The following PTPRR variants were observed in gnomAD, a reference collection of about 807,000 sequenced individuals.
PTPRR encodes receptor-type tyrosine-protein phosphatase R.
In PTPRR, 38 loss-of-function variants were observed where a neutral mutation model predicts 77.2. The ratio of observed to expected loss-of-function variants is 0.49; its 90% CI spans 0.38 to 0.65. The LOEUF is 0.65. PTPRR is among the 30% of genes least tolerant of loss of function. The probability of loss-of-function intolerance (pLI) is 0.00; values close to 1 mark genes in which losing one functional copy is unlikely to be tolerated. For missense variants in PTPRR, 744 were observed against 799.2 expected (o/e 0.93, Z 0.83); for synonymous variants, 299 against 283.1 (o/e 1.06, Z -0.57).
In PTPRR at chr12:70,810,086, G is replaced by A. The variant is rs141423214; in HGVS notation, c.358-45308C>T. Among the ~76,000 whole-genome samples the A allele has an allele frequency of 3.6e-4, 55 of 152,058 alleles. No homozygotes were observed. In the East Asian group the frequency reaches 7.7e-3, roughly 21 times the overall value. ...AATACAGTGGGACTTTTCTAGTGACGTCATCATGTTTCACTATTTATCACT... is the reference window on the plus strand; with the variant it reads ...AATACAGTGGGACTTTTCTAGTGACATCATCATGTTTCACTATTTATCACT... On this transcript the variant is annotated intron_variant, in intron 2 of 13. Transcript: ENST00000283228.
At chr12:70,682,607 A>G (rs1235747049) in intron 10 of PTPRR, among the ~76,000 whole-genome samples, 1 of 151,792 alleles carries the variant, frequency 6.6e-6, no homozygotes, top group East Asian at 1.9e-4. Flanking sequence ...GAGGTTTTTC[A>G]GGTTATCTAG....
chr12:70,670,186 G>T (rs1592654883), intron 10 of PTPRR, among the ~76,000 whole-genome samples: 3 of 152,310 alleles, frequency 2.0e-5, no homozygotes, highest in South Asian at 4.1e-4. Flanking sequence ...GTACAGCTGT[G>T]TTAAACTGAG....
chr12:70,700,277 G>A (rs7973191), intron 7 of PTPRR, among the ~76,000 whole-genome samples: 4,442 of 152,216 alleles, frequency 0.029, 97 homozygotes, highest in South Asian at 0.11. Flanking sequence ...AGATGCAAGA[G>A]GTGATCAACA....
At position 70,913,810 on chromosome 12, in the gene PTPRR, T is replaced by A. The variant is rs557309078; in HGVS notation, c.58+6523A>T. ...ATGAAGATGAGATATAATCTCTTGG[T>A]CAATGTAAATTAATTTATCACAATT... On this transcript the variant is annotated intron_variant, in intron 1 of 13. Coordinates refer to ENST00000283228, the MANE Select transcript of PTPRR (RefSeq NM_002849.4). Among the ~76,000 whole-genome samples, 37 of 152,264 alleles carry A rather than the reference T, an allele frequency of 2.4e-4. No individual in the cohort carries two copies. In the South Asian group the frequency reaches 7.7e-3, roughly 32 times the overall value.
intron 2 of PTPRR, among the ~76,000 whole-genome samples, chr12:70,801,395 C>T (rs1891612090): frequency 6.6e-6 from 1 of 152,178 alleles, no homozygotes; most frequent in Non-Finnish European, 1.5e-5. Flanking sequence ...ATAAGATTGC[C>T]TCCCCATTGT....
intron 13 of PTPRR, chr12:70,639,652 C>T (rs929978751): frequency 3.7e-6 from 1 of 271,904 alleles, no homozygotes; most frequent in African/African-American, 2.3e-5. Context: ...CTCGAAACCC[C>T]TTGCACTTTA....
chr12:70,752,847 A>T (rs545380769), intron 5 of PTPRR, among the ~76,000 whole-genome samples: 2 of 152,208 alleles, frequency 1.3e-5, no homozygotes, highest in African/African-American at 2.4e-5. Context: ...GCAATTAACC[A>T]TAACAAGGAA....
At chr12:70,828,641 T>C (rs1892158176) in intron 2 of PTPRR, among the ~76,000 whole-genome samples, 1 of 152,218 alleles carries the variant, frequency 6.6e-6, no homozygotes, top group East Asian at 1.9e-4. Flanking sequence ...TACTTTCTTA[T>C]GCATATTATA....
At chr12:70,916,562 T>C (rs547851969) in intron 1 of PTPRR, among the ~76,000 whole-genome samples, 243 of 152,124 alleles carry the variant, frequency 1.6e-3, no homozygotes, top group Non-Finnish European at 2.8e-3. Context: ...GGCACCATCA[T>C]AGAATACCTT....
intron 6 of PTPRR, among the ~76,000 whole-genome samples, chr12:70,742,693 G>GA (rs1265377537): frequency 1.3e-5 from 2 of 152,012 alleles, no homozygotes; most frequent in Admixed American, 6.6e-5. Context: ...GAGTGGACTG[G>GA]AAAAAAACAG....
chr12:70,820,147 G>A (rs1220171871), intron 2 of PTPRR, among the ~76,000 whole-genome samples: 1 of 152,094 alleles, frequency 6.6e-6, no homozygotes, highest in Non-Finnish European at 1.5e-5. Context: ...TCAACAACAA[G>A]GCTTGGCATT....
rs1887617103 is a variant in PTPRR at position 70,680,563 on chromosome 12, C to A, written c.1497+3564G>T. 2.6e-5 allele frequency among the ~76,000 whole-genome samples: 4 copies of A among 152,256 alleles called. 1 individual carries two copies. The South Asian group carries it at 8.3e-4, about 32-fold the overall frequency. On this transcript the variant is annotated intron_variant, in intron 10 of 13. Transcript: ENST00000283228. ...TAGTTTGCTGGCTCAGGACAGGTCACCCCTGGAAACAGCACACTTGGCTGG... is the reference window on the plus strand; with the variant it reads ...TAGTTTGCTGGCTCAGGACAGGTCAACCCTGGAAACAGCACACTTGGCTGG...
intron 2 of PTPRR, among the ~76,000 whole-genome samples, chr12:70,827,695 G>T (rs1339607815): frequency 1.5e-5 from 2 of 137,708 alleles, no homozygotes; most frequent in Non-Finnish European, 3.0e-5. Flanking sequence ...ATAGGTGCCT[G>T]CCACCACACC....
At chr12:70,834,524 T>C (rs889691261) in intron 2 of PTPRR, among the ~76,000 whole-genome samples, 2 of 152,218 alleles carry the variant, frequency 1.3e-5, no homozygotes, top group Non-Finnish European at 2.9e-5. Flanking sequence ...CTGCTTTCAT[T>C]ATCTCATGTT....
At chr12:70,702,009 A>G (rs1048305684) in intron 6 of PTPRR, among the ~76,000 whole-genome samples, 5 of 152,132 alleles carry the variant, frequency 3.3e-5, no homozygotes, top group African/African-American at 1.2e-4. Context: ...AAAAATAAAA[A>G]AAGATGGCTT....
At chr12:70,811,570 G>C (rs1294966929) in intron 2 of PTPRR, among the ~76,000 whole-genome samples, 1 of 152,208 alleles carries the variant, frequency 6.6e-6, no homozygotes, top group Admixed American at 6.5e-5. Flanking sequence ...CATCAACTCA[G>C]GCAACGCTGG....
chr12:70,751,523 C>T (rs1376343754), intron 5 of PTPRR, among the ~76,000 whole-genome samples: 2 of 152,150 alleles, frequency 1.3e-5, no homozygotes, highest in South Asian at 2.1e-4. Context: ...AGAGCCTGAA[C>T]AGGCTAAGCT....
intron 2 of PTPRR, among the ~76,000 whole-genome samples, chr12:70,778,255 C>A (rs1891131460): frequency 6.6e-6 from 1 of 152,092 alleles, no homozygotes; most frequent in Non-Finnish European, 1.5e-5. Context: ...TGCCTTCTGG[C>A]ATTGAGAGTT....
chr12:70,822,709 C>G (rs942981683), intron 2 of PTPRR, among the ~76,000 whole-genome samples: 2 of 152,166 alleles, frequency 1.3e-5, no homozygotes, highest in Non-Finnish European at 2.9e-5. Context: ...CCATCAATAT[C>G]AAGGCAGGGT....
Sources: allele counts gnomAD v4.1 joint callset (sites outside exome capture counted in the v4.1 genomes callset), GRCh38; gene constraint gnomAD v4.1.1; transcripts MANE v1.5; gene names NCBI Gene and HGNC (gene_info 2026-07-23, HGNC 2026-07-21).